Variants in ARHGEF37 observed in about 807,000 individuals in gnomAD.
The protein encoded by ARHGEF37 is Rho guanine nucleotide exchange factor (GEF) 37.
ARHGEF37 carries 55 observed loss-of-function variants against 71.1 expected under a neutral mutation model. That is an observed-to-expected ratio of 0.77 (90% CI 0.62 to 0.97). The LOEUF (loss-of-function observed/expected upper bound fraction) is 0.97. Ranked by LOEUF, ARHGEF37 falls within the 50% of genes least tolerant of loss-of-function variation. The pLI is 0.00. For synonymous variants in ARHGEF37, 327 were observed against 350.6 expected, an observed-to-expected ratio of 0.93 and a Z score of 0.75; for missense variants, 765 against 836.8, an observed-to-expected ratio of 0.91 and a Z score of 1.06.
chr5:149,572,991 T>C (rs1405301410), intron 1 of ARHGEF37, among the ~76,000 whole-genome samples: 2 of 152,210 alleles, frequency 1.3e-5, no homozygotes, highest in African/African-American at 4.8e-5. Context: ...GGCCCTGGCT[T>C]CTGGCAAGGA....
intron 8 of ARHGEF37, among the ~76,000 whole-genome samples, chr5:149,620,899 GATT>G (rs920001572): frequency 3.3e-5 from 5 of 151,926 alleles, no homozygotes; most frequent in African/African-American, 1.2e-4. Context: ...GCAGCATAGA[GATT>G]ATTATTAGTG....
intron 1 of ARHGEF37, among the ~76,000 whole-genome samples, chr5:149,558,022 C>T (rs1762776579): frequency 6.6e-6 from 1 of 151,908 alleles, no homozygotes; most frequent in African/African-American, 2.4e-5. Flanking sequence ...CCTGCCACCA[C>T]GACTGGCTAA....
rs1221841533 is a variant in ARHGEF37, at chr5:149,598,761, T to TAG, written c.186+807_186+808insGA. 6.2e-4 allele frequency among the ~76,000 whole-genome samples: 47 copies of TAG among 75,752 alleles called. 1 individual carries two copies. Among genetic ancestry groups the TAG allele is most frequent in the African/African-American group, 2.2e-3 (45 of 20,298 alleles). 49.7% of individuals were successfully genotyped at this position (75,752 alleles called of 152,430 possible). A position where few individuals can be genotyped will look rare whatever the true frequency, so the allele number is the denominator to read the frequency against. ...TCATATATATATATCTATATATAGA[T>TAG]ATAGATATAGATATAGATATATAGA... On this transcript the variant is annotated intron_variant, in intron 2 of 12. Coordinates refer to ENST00000333677, the MANE Select transcript of ARHGEF37 (RefSeq NM_001001669.3).
chr5:149,609,164 A>G (rs1286034626), intron 3 of ARHGEF37, among the ~76,000 whole-genome samples: 1 of 152,152 alleles, frequency 6.6e-6, no homozygotes, highest in Admixed American at 6.5e-5. Context: ...AGCCTGGGGG[A>G]CAAGAGCAAG....
At chr5:149,588,626 C>T (rs1763309280) in intron 1 of ARHGEF37, among the ~76,000 whole-genome samples, 1 of 152,158 alleles carries the variant, frequency 6.6e-6, no homozygotes, top group South Asian at 2.1e-4. Flanking sequence ...GTCCTTTGCT[C>T]TCATGATGTC....
intron 1 of ARHGEF37, among the ~76,000 whole-genome samples, chr5:149,589,536 G>A (rs924388871): frequency 1.3e-5 from 2 of 152,010 alleles, no homozygotes; most frequent in Non-Finnish European, 2.9e-5. Flanking sequence ...TTTCCCTCTT[G>A]TTGCCCAAGC....
At chr5:149,560,259 G>T (rs1002558353) in intron 1 of ARHGEF37, among the ~76,000 whole-genome samples, 1 of 152,112 alleles carries the variant, frequency 6.6e-6, no homozygotes, top group African/African-American at 2.4e-5. Flanking sequence ...GGGATTATAA[G>T]CATGCGCCAC....
upstream of ARHGEF37, among the ~76,000 whole-genome samples, chr5:149,577,765 C>G (rs556710591): frequency 3.3e-4 from 51 of 152,336 alleles, 1 homozygote; most frequent in Admixed American, 2.7e-3. Flanking sequence ...GGCTGCCCAG[C>G]CTTCATGTTA....
chr5:149,586,519 T>G (rs1192438847), intron 1 of ARHGEF37, among the ~76,000 whole-genome samples: 1 of 152,248 alleles, frequency 6.6e-6, no homozygotes, highest in African/African-American at 2.4e-5. Context: ...TGCCTCGGCC[T>G]CCCGAAGTGC....
chr5:149,632,182 G>A lies in ARHGEF37; in HGVS notation c.2019G>A (p.Leu673=). The A allele has an allele frequency of 1.2e-6, 2 of 1,614,132 alleles. No homozygotes were observed. The highest frequency in any genetic ancestry group is 1.7e-6 in the Non-Finnish European group (2 of 1,180,010). Residue 673 remains leucine (L), a synonymous_variant, in exon 13 of 13, where the codon CTG becomes CTA. Transcript: ENST00000333677. ...GCCCAGTTCTGTGGGGCTGGAGTCTGCCCTCTTAGGGTACCCTCTTTGGAG... is the reference window on the plus strand; with the variant it reads ...GCCCAGTTCTGTGGGGCTGGAGTCTACCCTCTTAGGGTACCCTCTTTGGAG... ...ARSPVLWGWS[L]PS
intron 4 of ARHGEF37, among the ~76,000 whole-genome samples, chr5:149,611,899 A>G (rs1752191892): frequency 6.6e-6 from 1 of 152,220 alleles, no homozygotes; most frequent in Non-Finnish European, 1.5e-5. Flanking sequence ...TATGTAACTG[A>G]AAAAAATCAG....
At chr5:149,559,044 C>G (rs1369870931) in intron 1 of ARHGEF37, among the ~76,000 whole-genome samples, 1 of 152,014 alleles carries the variant, frequency 6.6e-6, no homozygotes, top group Non-Finnish European at 1.5e-5. Flanking sequence ...AAAAACTGGC[C>G]AGGCACAGTG....
Position 149,633,863 on chromosome 5 carries a change from C to T in ARHGEF37, c.*1672C>T, listed in dbSNP as rs1752958200. The T allele has an allele frequency of 6.6e-6, 1 of 152,206 alleles. No individual in the cohort carries two copies. The highest frequency in any genetic ancestry group is 2.4e-5 in the African/African-American group (1 of 41,450). 9.4% of individuals were successfully genotyped at this position (152,206 alleles called of 1,614,324 possible). A position where few individuals can be genotyped will look rare whatever the true frequency, so the allele number is the denominator to read the frequency against. ...AAGACTGCATGACACAAGAGAAATG[C>T]AAGCCCTACGGTTCCTTTCTCAGCA... On this transcript the variant is annotated 3_prime_UTR_variant, in exon 13 of 13. Transcript: ENST00000333677.
chr5:149,572,075 A>G (rs1347060563), intron 1 of ARHGEF37, among the ~76,000 whole-genome samples: 1 of 152,152 alleles, frequency 6.6e-6, no homozygotes, highest in African/African-American at 2.4e-5. Context: ...TAATCAAGAA[A>G]GTGTAATACT....
At chr5:149,555,904 G>A (rs1414378662) in intron 1 of ARHGEF37, among the ~76,000 whole-genome samples, 5 of 151,900 alleles carry the variant, frequency 3.3e-5, no homozygotes, top group Non-Finnish European at 5.9e-5. Context: ...TAGGAGGATC[G>A]CTTGAGGCCA....
At chr5:149,552,838 ATAAT>A (rs764079730) in intron 1 of ARHGEF37, among the ~76,000 whole-genome samples, 2 of 152,262 alleles carry the variant, frequency 1.3e-5, no homozygotes, top group East Asian at 1.9e-4. Context: ...CAAAAAAAAA[ATAAT>A]TAATTAAATA....
At chr5:149,609,475 C>T in intron 3 of ARHGEF37, 73 bp from the exon 4 acceptor site, 1 of 1,549,328 alleles carries the variant, frequency 6.5e-7, no homozygotes, top group Non-Finnish European at 8.9e-7. Context: ...GGTTTACTTA[C>T]TGCCTCCCTG....
chr5:149,577,840 C>T (rs1763043501), upstream of ARHGEF37, among the ~76,000 whole-genome samples: 1 of 152,164 alleles, frequency 6.6e-6, no homozygotes, highest in African/African-American at 2.4e-5. Flanking sequence ...TCATGGAAGC[C>T]AAAAGGCCTT....
rs560487788 is a variant in ARHGEF37 at position 149,573,429 on chromosome 5, CCTTA to C, written c.-12+21310_-12+21313del. Among the ~76,000 whole-genome samples the C allele has an allele frequency of 2.9e-3, 437 of 152,312 alleles. 3 individuals carry two copies. The highest frequency in any genetic ancestry group is 9.8e-3 in the African/African-American group (409 of 41,554). On this transcript the variant is annotated intron_variant, in intron 1 of 2. Coordinates refer to the ARHGEF37 transcript ENST00000505810. Reference sequence around the variant, plus strand: ...TTCTCTGGAGAACTCTAATACATTTCCTTACTTCATTCACGTCACTGCTAAAATG... The same window carrying C: ...TTCTCTGGAGAACTCTAATACATTTCCTTCATTCACGTCACTGCTAAAATG...
Sources: gnomAD v4.1 joint callset for allele counts (sites outside exome capture counted in the v4.1 genomes callset) on GRCh38, gnomAD v4.1.1 for gene constraint, MANE v1.5 for transcripts, NCBI Gene and HGNC (gene_info 2026-07-23, HGNC 2026-07-21) for gene names.